UNC5D: variants seen among roughly 807,000 people sequenced by gnomAD.
UNC5D encodes the protein netrin receptor UNC5D.
Under a neutral mutation model 105.4 loss-of-function variants are expected in UNC5D, and 39 were observed. The observed-to-expected ratio is 0.37, with a 90% CI of 0.29 to 0.48. The LOEUF (loss-of-function observed/expected upper bound fraction) is 0.48. Among genes scored for constraint, UNC5D ranks in the 20% least tolerant of loss-of-function variants. UNC5D has a pLI of 0.98. For synonymous variants in UNC5D, 452 were observed against 450.4 expected, an observed-to-expected ratio of 1.00 and a Z score of -0.04; for missense variants, 991 against 1,202.4, an observed-to-expected ratio of 0.82 and a Z score of 2.60.
intron 1 of UNC5D, among the ~76,000 whole-genome samples, chr8:35,477,566 A>AATCC (rs1256706940): frequency 1.3e-5 from 2 of 152,170 alleles, no homozygotes; most frequent in Non-Finnish European, 2.9e-5. Context: ...AATTTGCATG[A>AATCC]ATCCATGCAC....
chr8:35,332,158 A>T (rs1426453460), intron 1 of UNC5D, among the ~76,000 whole-genome samples: 2 of 152,248 alleles, frequency 1.3e-5, no homozygotes, highest in African/African-American at 2.4e-5. Context: ...AGGCATAAAC[A>T]TGCTAAAATC....
intron 4 of UNC5D, among the ~76,000 whole-genome samples, chr8:35,609,728 C>T (rs1012099558): frequency 3.9e-5 from 6 of 152,232 alleles, no homozygotes; most frequent in African/African-American, 1.2e-4. Flanking sequence ...TCAAAGTCAT[C>T]TTCCTTGTGT....
chr8:35,563,321 T>C (rs1359403568), intron 2 of UNC5D, among the ~76,000 whole-genome samples: 2 of 141,856 alleles, frequency 1.4e-5, no homozygotes, highest in Admixed American at 7.4e-5. Context: ...AGATCTTCTA[T>C]GTCTTTGGTT....
At chr8:35,347,401 A>G (rs1811882349) in intron 1 of UNC5D, among the ~76,000 whole-genome samples, 1 of 151,980 alleles carries the variant, frequency 6.6e-6, no homozygotes, top group Non-Finnish European at 1.5e-5. Context: ...TTCACCCTTC[A>G]TCTTTAGTCT....
intron 1 of UNC5D, among the ~76,000 whole-genome samples, chr8:35,507,564 C>T (rs1197841431): frequency 6.7e-6 from 1 of 148,804 alleles, no homozygotes; most frequent in African/African-American, 2.5e-5. Context: ...CAGGTGAAGT[C>T]ATGGAGATAG....
intron 1 of UNC5D, among the ~76,000 whole-genome samples, chr8:35,454,134 G>A (rs1308641236): frequency 6.6e-6 from 1 of 152,098 alleles, no homozygotes; most frequent in African/African-American, 2.4e-5. Flanking sequence ...TTGCCTCAGT[G>A]ACTTCATGTT....
At chr8:35,384,367 A>G (rs930933369) in intron 1 of UNC5D, among the ~76,000 whole-genome samples, 2 of 152,180 alleles carry the variant, frequency 1.3e-5, no homozygotes, top group African/African-American at 4.8e-5. Flanking sequence ...GGTACGTACT[A>G]TAAATATGGG....
intron 1 of UNC5D, among the ~76,000 whole-genome samples, chr8:35,410,838 G>T (rs1805116760): frequency 6.6e-6 from 1 of 152,086 alleles, no homozygotes; most frequent in South Asian, 2.1e-4. Context: ...AGCTCCAAAT[G>T]ACTGTCTTTT....
chr8:35,581,651 G>T (rs1055801434), intron 3 of UNC5D, among the ~76,000 whole-genome samples: 6 of 152,000 alleles, frequency 3.9e-5, no homozygotes, highest in Non-Finnish European at 7.4e-5. Context: ...TTGAGATGAT[G>T]GGTATCCCAG....
intron 15 of UNC5D, 75 bp from the exon 16 acceptor site, chr8:35,774,224 T>G: frequency 6.4e-7 from 1 of 1,559,418 alleles, no homozygotes; most frequent in Non-Finnish European, 8.7e-7. Context: ...AACCCAGATT[T>G]TCTTAAAAAA....
intron 15 of UNC5D, among the ~76,000 whole-genome samples, chr8:35,770,492 ACT>A (rs1243181265): frequency 6.6e-6 from 1 of 152,008 alleles, no homozygotes; most frequent in African/African-American, 2.4e-5. Context: ...TATCTGTTTT[ACT>A]CTTTAGTGTG....
chr8:35,352,597 A>G (rs184234742), intron 1 of UNC5D, among the ~76,000 whole-genome samples: 1 of 152,114 alleles, frequency 6.6e-6, no homozygotes, highest in East Asian at 1.9e-4. Flanking sequence ...TCTCAATGCT[A>G]GTATTTCTTT....
chr8:35,599,957 C>G (rs566207550), intron 4 of UNC5D, among the ~76,000 whole-genome samples: 39 of 152,236 alleles, frequency 2.6e-4, no homozygotes, highest in Admixed American at 1.7e-3. Flanking sequence ...CCCTCCTCCC[C>G]CAACCCCACA....
At chr8:35,479,487 A>C (rs972511875) in intron 1 of UNC5D, among the ~76,000 whole-genome samples, 1 of 152,188 alleles carries the variant, frequency 6.6e-6, no homozygotes, top group Non-Finnish European at 1.5e-5. Context: ...AGACATGTAC[A>C]CATGTATTCA....
At chr8:35,548,865 C>A (rs1490976725) in intron 1 of UNC5D, among the ~76,000 whole-genome samples, 1 of 152,140 alleles carries the variant, frequency 6.6e-6, no homozygotes, top group African/African-American at 2.4e-5. Flanking sequence ...TGTTATCATC[C>A]CTGTCATTCA....
At chr8:35,308,977 C>A (rs1528713) in intron 1 of UNC5D, among the ~76,000 whole-genome samples, 124,675 of 151,968 alleles carry the variant, frequency 0.82, 51,593 homozygotes, top group East Asian at 1. Flanking sequence ...GGAGAGAGCC[C>A]GGCTGGCTAG....
chr8:35,601,147 C>G (rs1819852579), intron 4 of UNC5D, among the ~76,000 whole-genome samples: 1 of 151,982 alleles, frequency 6.6e-6, no homozygotes, highest in Admixed American at 6.6e-5. Flanking sequence ...CCGTTCTGTT[C>G]CATTGTTCTA....
At chr8:35,620,876 A>G (rs1207575910) in intron 4 of UNC5D, among the ~76,000 whole-genome samples, 1 of 152,200 alleles carries the variant, frequency 6.6e-6, no homozygotes, top group Non-Finnish European at 1.5e-5. Context: ...TCTAGTCACC[A>G]GTCATTCAAC....
intron 1 of UNC5D, among the ~76,000 whole-genome samples, chr8:35,465,060 A>G (rs72634923): frequency 6.6e-6 from 1 of 152,262 alleles, no homozygotes; most frequent in Non-Finnish European, 1.5e-5. Context: ...TACCATACAT[A>G]TCACTGCCAG....
Sources: gnomAD v4.1 joint callset for allele counts (sites outside exome capture counted in the v4.1 genomes callset) on GRCh38, gnomAD v4.1.1 for gene constraint, MANE v1.5 for transcripts, NCBI Gene and HGNC (gene_info 2026-07-23, HGNC 2026-07-21) for gene names.